The following CTNNA3 variants were observed in gnomAD, a reference collection of about 807,000 sequenced individuals.
CTNNA3 encodes the protein catenin alpha 3.
In CTNNA3, 76 loss-of-function variants were observed where a neutral mutation model predicts 95.7. That is an observed-to-expected ratio of 0.79 (90% CI 0.66 to 0.96). The LOEUF is 0.96. Among genes scored for constraint, CTNNA3 ranks in the 40% least tolerant of loss-of-function variants. CTNNA3 has a pLI of 0.00. For synonymous variants in CTNNA3, 431 were observed against 374.4 expected (o/e 1.15, Z -1.74); for missense variants, 1,191 against 1,089.8 (o/e 1.09, Z -1.31).
At chr10:67,000,966 G>T (rs1033829255) in intron 7 of CTNNA3, among the ~76,000 whole-genome samples, 1 of 152,076 alleles carries the variant, frequency 6.6e-6, no homozygotes, top group Non-Finnish European at 1.5e-5. Flanking sequence ...AAATGCGAAA[G>T]TAGAGAGAGA....
intron 7 of CTNNA3, among the ~76,000 whole-genome samples, chr10:67,084,521 C>A (rs993785556): frequency 2.0e-5 from 3 of 151,834 alleles, no homozygotes; most frequent in Non-Finnish European, 4.4e-5. Context: ...CACCCTCAGC[C>A]ATGAGAAAAA....
At chr10:67,739,879 G>A (rs921199221) in intron 1 of CTNNA3, among the ~76,000 whole-genome samples, 2 of 152,154 alleles carry the variant, frequency 1.3e-5, no homozygotes, top group East Asian at 1.9e-4. Context: ...AACAAAGCTG[G>A]AGGCATCGTG....
chr10:66,024,085 A>ACTTTTTTT, intron 15 of CTNNA3, among the ~76,000 whole-genome samples: 1 of 87,750 alleles, frequency 1.1e-5, no homozygotes, highest in South Asian at 5.0e-4. Context: ...TACCATACAC[A>ACTTTTTTT]TTTTTTTTTT....
intron 1 of CTNNA3, among the ~76,000 whole-genome samples, chr10:67,695,026 T>G (rs531944291): frequency 6.6e-6 from 1 of 152,324 alleles, no homozygotes; most frequent in East Asian, 1.9e-4. Flanking sequence ...AATGAAATTT[T>G]AATAGCACAC....
At chr10:65,982,426 G>T (rs1203166612) in intron 16 of CTNNA3, among the ~76,000 whole-genome samples, 1 of 151,354 alleles carries the variant, frequency 6.6e-6, no homozygotes, top group Non-Finnish European at 1.5e-5. Context: ...AGTACAACCA[G>T]TATGGAAAAT....
At chr10:66,264,849 T>C (rs1248253563) in intron 13 of CTNNA3, among the ~76,000 whole-genome samples, 1 of 151,980 alleles carries the variant, frequency 6.6e-6, no homozygotes, top group Non-Finnish European at 1.5e-5. Flanking sequence ...GACATAATCC[T>C]CTGTCCCACA....
At chr10:67,164,929 A>C (rs1353776970) in intron 7 of CTNNA3, among the ~76,000 whole-genome samples, 1 of 152,214 alleles carries the variant, frequency 6.6e-6, no homozygotes, top group Non-Finnish European at 1.5e-5. Context: ...TGGGAATGTA[A>C]AATTGCTCTG....
At chr10:66,192,497 A>G (rs1226818554) in intron 13 of CTNNA3, among the ~76,000 whole-genome samples, 1 of 152,194 alleles carries the variant, frequency 6.6e-6, no homozygotes, top group African/African-American at 2.4e-5. Flanking sequence ...CAAGTTCATA[A>G]TGGTCTCAGA....
chr10:66,603,458 C>T (rs1004086286), intron 10 of CTNNA3, among the ~76,000 whole-genome samples: 1 of 151,944 alleles, frequency 6.6e-6, no homozygotes, highest in Non-Finnish European at 1.5e-5. Context: ...AAAATGGAAA[C>T]ATATTCTATG....
rs774491415 is a variant in CTNNA3, at chr10:66,766,273, C to T, written c.1272G>A (p.Arg424=). ...YAAIFHEHTS[R]LVEVANLACS... ...GTTCTAGCATGCTTACCTCTACAAG[C>T]CTGCTGGTGTGTTCATGAAATATCG... Residue 424 remains arginine, a synonymous_variant, in exon 9 of 18, where the codon AGG becomes AGA. Transcript: ENST00000433211. 10 of 1,613,680 alleles carry T rather than the reference C, an allele frequency of 6.2e-6. No individual in the cohort carries two copies. The highest frequency in any genetic ancestry group is 1.7e-4 in the Middle Eastern group (1 of 6,054).
chr10:66,845,643 C>A (rs1364593170), intron 7 of CTNNA3, among the ~76,000 whole-genome samples: 4 of 133,208 alleles, frequency 3.0e-5, no homozygotes, highest in Non-Finnish European at 4.6e-5. Context: ...GGAGAGGTTG[C>A]GGTGAGCCGA....
At chr10:66,443,970 A>T (rs1233405851) in intron 11 of CTNNA3, among the ~76,000 whole-genome samples, 2 of 152,174 alleles carry the variant, frequency 1.3e-5, no homozygotes, top group Non-Finnish European at 2.9e-5. Context: ...AATGCAGAGA[A>T]GTCCTTAAAG....
intron 2 of CTNNA3, among the ~76,000 whole-genome samples, chr10:67,619,446 C>T (rs1843757086): frequency 6.6e-6 from 1 of 152,148 alleles, no homozygotes; most frequent in Non-Finnish European, 1.5e-5. Flanking sequence ...CCCTATCTCT[C>T]ACCATATTCA....
At chr10:66,989,322 T>A (rs186668391) in intron 7 of CTNNA3, among the ~76,000 whole-genome samples, 1 of 152,302 alleles carries the variant, frequency 6.6e-6, no homozygotes, top group African/African-American at 2.4e-5. Flanking sequence ...GTCAACTTAT[T>A]CCCTAAAAGT....
At chr10:67,171,751 C>T (rs1389249661) in intron 7 of CTNNA3, among the ~76,000 whole-genome samples, 1 of 150,280 alleles carries the variant, frequency 6.7e-6, no homozygotes, top group Non-Finnish European at 1.5e-5. Flanking sequence ...CAAGACCCTG[C>T]CAAAAAATAA....
In CTNNA3 at chr10:66,069,145, G is replaced by T. The variant is rs561856639; in HGVS notation, c.2159+163C>A. 6.6e-5 allele frequency among the ~76,000 whole-genome samples: 10 copies of T among 152,116 alleles called. No homozygotes were observed. The South Asian group carries it at 2.1e-3, about 32-fold the overall frequency. On this transcript the variant is annotated intron_variant, in intron 15 of 17. Transcript: ENST00000433211. ...AACTTGCCATATTTATTTATCGATC[G>T]AAACCTCTAGAATTGTACACCTACA...
chr10:66,438,829 C>A (rs1021915732), intron 11 of CTNNA3, among the ~76,000 whole-genome samples: 1 of 152,080 alleles, frequency 6.6e-6, no homozygotes, highest in African/African-American at 2.4e-5. Context: ...AGTGTAGGCA[C>A]CCAAAGGAAT....
chr10:66,199,326 A>C (rs1485019704), intron 13 of CTNNA3, among the ~76,000 whole-genome samples: 2 of 152,120 alleles, frequency 1.3e-5, no homozygotes, highest in Non-Finnish European at 2.9e-5. Context: ...CTCTCACGAA[A>C]TACCAGCTGC....
In CTNNA3 at chr10:67,686,093, G is replaced by A. The variant is rs572489874; in HGVS notation, c.-6+9907C>T. Among the ~76,000 whole-genome samples the A allele has an allele frequency of 3.1e-4, 47 of 152,242 alleles. 1 individual carries two copies. The highest frequency in any genetic ancestry group is 1.0e-3 in the African/African-American group (42 of 41,532). ...AGGGTTTCCTTGTGATATTTAATGG[G>A]GGTTCCCCCAGAGGTTAGGAACTCC... On this transcript the variant is annotated intron_variant, in intron 1 of 17. Coordinates refer to ENST00000433211, the MANE Select transcript of CTNNA3 (RefSeq NM_013266.4).
Sources: allele counts gnomAD v4.1 joint callset (sites outside exome capture counted in the v4.1 genomes callset), GRCh38; gene constraint gnomAD v4.1.1; transcripts MANE v1.5; gene names NCBI Gene and HGNC (gene_info 2026-07-23, HGNC 2026-07-21).